Variants in GALNTL6 observed in about 807,000 individuals in gnomAD.
GALNTL6 encodes the protein polypeptide N-acetylgalactosaminyltransferase like 6, also known as polypeptide N-acetylgalactosaminyltransferase-like 6.
Under a neutral mutation model 73.7 loss-of-function variants are expected in GALNTL6, and 46 were observed. The ratio of observed to expected loss-of-function variants is 0.62; its 90% CI spans 0.49 to 0.80. The LOEUF is 0.80. Among genes scored for constraint, GALNTL6 ranks in the 30% least tolerant of loss-of-function variants. The probability of loss-of-function intolerance (pLI) is 0.00; values close to 1 mark genes in which losing one functional copy is unlikely to be tolerated. For missense variants in GALNTL6, 604 were observed against 755.0 expected, an observed-to-expected ratio of 0.80 and a Z score of 2.34; for synonymous variants, 259 against 263.7, an observed-to-expected ratio of 0.98 and a Z score of 0.17.
chr4:171,957,084 C>T (rs11935809), intron 2 of GALNTL6, among the ~76,000 whole-genome samples: 1 of 152,250 alleles, frequency 6.6e-6, no homozygotes, highest in African/African-American at 2.4e-5. Context: ...TGTAGTGTAC[C>T]TAAATCCTGC....
At chr4:172,856,198 C>G (rs1744113693) in intron 7 of GALNTL6, among the ~76,000 whole-genome samples, 1 of 152,162 alleles carries the variant, frequency 6.6e-6, no homozygotes. Flanking sequence ...CTTCTTCTGA[C>G]AACTTGAAGA....
intron 2 of GALNTL6, among the ~76,000 whole-genome samples, chr4:171,941,431 C>A (rs332996): frequency 0.72 from 110,068 of 152,164 alleles, 40,869 homozygotes; most frequent in Admixed American, 0.84. Flanking sequence ...CCCTTGATGC[C>A]CAGTGAATTT....
chr4:172,907,605 C>T (rs1040554564), intron 8 of GALNTL6, among the ~76,000 whole-genome samples: 2 of 152,130 alleles, frequency 1.3e-5, no homozygotes, highest in African/African-American at 4.8e-5. Context: ...ATTCCAAGAC[C>T]CCAAATGGAT....
intron 2 of GALNTL6, among the ~76,000 whole-genome samples, chr4:171,848,017 T>C (rs948582357): frequency 1.1e-4 from 17 of 152,088 alleles, no homozygotes; most frequent in African/African-American, 4.1e-4. Context: ...ATCAGAGGAG[T>C]CACTGTCTAT....
At chr4:172,040,020 C>T (rs937727231) in intron 2 of GALNTL6, among the ~76,000 whole-genome samples, 12 of 152,030 alleles carry the variant, frequency 7.9e-5, no homozygotes, top group Admixed American at 6.6e-4. Flanking sequence ...AAATGTTAGT[C>T]CTATGGAAAA....
At chr4:172,683,191 C>CT (rs1300743900) in intron 5 of GALNTL6, among the ~76,000 whole-genome samples, 7 of 152,180 alleles carry the variant, frequency 4.6e-5, no homozygotes, top group Non-Finnish European at 8.8e-5. Flanking sequence ...AACCACAACT[C>CT]TGAGTAACAG....
At chr4:171,823,264 C>T (rs1734731998) in intron 2 of GALNTL6, among the ~76,000 whole-genome samples, 2 of 151,864 alleles carry the variant, frequency 1.3e-5, no homozygotes, top group Admixed American at 1.3e-4. Context: ...GTGAGGTCAG[C>T]ATTGATCTAA....
intron 5 of GALNTL6, among the ~76,000 whole-genome samples, chr4:172,437,124 C>T (rs565017651): frequency 6.6e-6 from 1 of 152,214 alleles, no homozygotes; most frequent in East Asian, 1.9e-4. Context: ...CAATATAACT[C>T]TCCATGGAAT....
intron 2 of GALNTL6, among the ~76,000 whole-genome samples, chr4:171,919,686 CA>C (rs1416054342): frequency 2.0e-5 from 3 of 149,554 alleles, no homozygotes; most frequent in East Asian, 1.9e-4. Context: ...GTATTCTCAA[CA>C]AAAAAAAAGA....
chr4:172,567,534 G>A (rs1376586809), intron 5 of GALNTL6, among the ~76,000 whole-genome samples: 1 of 152,120 alleles, frequency 6.6e-6, no homozygotes, highest in Non-Finnish European at 1.5e-5. Flanking sequence ...CAACTTTTCT[G>A]GTCATAAATA....
chr4:172,765,247 A>G lies in GALNTL6; in HGVS notation c.554-44114A>G, dbSNP rs185382751. ...ATGCAGAAGGATCAACTGCAGTGAC[A>G]TAGAAAATTAAATGTCCCAAAATAT... On this transcript the variant is annotated intron_variant, in intron 5 of 12. Transcript: ENST00000506823. Among the ~76,000 whole-genome samples, 74 of 152,372 alleles carry G rather than the reference A, an allele frequency of 4.9e-4. 1 individual carries two copies. The East Asian group carries it at 0.014, about 29-fold the overall frequency.
At chr4:171,863,486 T>A (rs893269734) in intron 2 of GALNTL6, among the ~76,000 whole-genome samples, 1 of 152,202 alleles carries the variant, frequency 6.6e-6, no homozygotes, top group Admixed American at 6.5e-5. Context: ...AGCTAAGACA[T>A]TCTGGCTCTA....
intron 3 of GALNTL6, among the ~76,000 whole-genome samples, chr4:172,252,550 TAAAG>T (rs1737917630): frequency 6.6e-6 from 1 of 152,070 alleles, no homozygotes. Context: ...GAAATTTAGA[TAAAG>T]AGAGGATGGG....
chr4:172,084,445 T>A (rs913195359), intron 2 of GALNTL6, among the ~76,000 whole-genome samples: 2 of 152,172 alleles, frequency 1.3e-5, no homozygotes, highest in Admixed American at 6.5e-5. Flanking sequence ...CTAAATGTTA[T>A]GCCATAAAAC....
At chr4:172,190,946 TCCTC>T (rs1242830102) in intron 2 of GALNTL6, among the ~76,000 whole-genome samples, 1 of 152,204 alleles carries the variant, frequency 6.6e-6, no homozygotes, top group African/African-American at 2.4e-5. Flanking sequence ...ACATTTGTCT[TCCTC>T]GTGATTTTTT....
At chr4:172,358,596 C>T (rs1742248052) in intron 5 of GALNTL6, among the ~76,000 whole-genome samples, 1 of 151,922 alleles carries the variant, frequency 6.6e-6, no homozygotes, top group South Asian at 2.1e-4. Flanking sequence ...AATTTTTCTT[C>T]CAGTGTGGCC....
At chr4:172,206,440 ATGAGTGATTGTATCTTT>A (rs1396986276) in intron 2 of GALNTL6, among the ~76,000 whole-genome samples, 2 of 152,178 alleles carry the variant, frequency 1.3e-5, no homozygotes, top group Non-Finnish European at 2.9e-5. Context: ...GCAGTCCTTG[ATGAGTGATTGTATCTTT>A]TTAAAATAAC....
In GALNTL6 at chr4:172,733,966, G is replaced by A. The variant is rs139053506; in HGVS notation, c.554-75395G>A. The stretch of plus-strand genomic sequence containing the variant: ...GCTCAGAAGAAGACAGGAAGATGTG[G>A]GAAGTTTGGAACTTCCTAGAGACTT... On this transcript the variant is annotated intron_variant, in intron 5 of 12. Coordinates refer to ENST00000506823, the MANE Select transcript of GALNTL6 (RefSeq NM_001034845.3). Among the ~76,000 whole-genome samples the A allele has an allele frequency of 3.0e-3, 459 of 152,234 alleles. 1 individual carries two copies. Among genetic ancestry groups the A allele is most frequent in the African/African-American group, 0.01 (428 of 41,548 alleles).
intron 2 of GALNTL6, among the ~76,000 whole-genome samples, chr4:172,103,716 G>A (rs1454323575): frequency 6.6e-6 from 1 of 152,158 alleles, no homozygotes; most frequent in Non-Finnish European, 1.5e-5. Flanking sequence ...GGCTAAAGAG[G>A]ATATCTGTGC....
Sources: gnomAD v4.1 joint callset for allele counts (sites outside exome capture counted in the v4.1 genomes callset) on GRCh38, gnomAD v4.1.1 for gene constraint, MANE v1.5 for transcripts, NCBI Gene and HGNC (gene_info 2026-07-23, HGNC 2026-07-21) for gene names.